DAB1: variants seen among roughly 807,000 people sequenced by gnomAD.
DAB1 encodes the protein DAB adaptor protein 1.
DAB1 carries 15 observed loss-of-function variants against 64.6 expected under a neutral mutation model. The ratio of observed to expected loss-of-function variants is 0.23; its 90% CI spans 0.16 to 0.36. The LOEUF (loss-of-function observed/expected upper bound fraction) is 0.36, where lower values mean the gene tolerates loss of function less well. DAB1 is among the 10% of genes least tolerant of loss of function. The probability of loss-of-function intolerance (pLI) is 1.00; values close to 1 mark genes in which losing one functional copy is unlikely to be tolerated. For synonymous variants in DAB1, 235 were observed against 251.9 expected, an observed-to-expected ratio of 0.93 and a Z score of 0.64; for missense variants, 596 against 706.7, an observed-to-expected ratio of 0.84 and a Z score of 1.78.
intron 4 of DAB1, among the ~76,000 whole-genome samples, chr1:58,326,871 C>T (rs2100490957): frequency 6.6e-6 from 1 of 152,306 alleles, no homozygotes; most frequent in South Asian, 2.1e-4. Context: ...TCTGCCAGAT[C>T]CCTGGCAAGT....
chr1:57,695,967 A>C (rs1012726246), intron 6 of DAB1, among the ~76,000 whole-genome samples: 1 of 152,164 alleles, frequency 6.6e-6, no homozygotes, highest in African/African-American at 2.4e-5. Flanking sequence ...AGTTCCAATA[A>C]TCCCAAATTA....
At chr1:57,130,228 CCTCGAG>C (rs1657531948) in intron 4 of DAB1, among the ~76,000 whole-genome samples, 1 of 152,038 alleles carries the variant, frequency 6.6e-6, no homozygotes, top group South Asian at 2.1e-4. Flanking sequence ...TTATTTAACA[CCTCGAG>C]CTTTTTATTT....
intron 2 of DAB1, among the ~76,000 whole-genome samples, chr1:57,197,117 C>G (rs1335827261): frequency 6.6e-6 from 1 of 152,102 alleles, no homozygotes; most frequent in Non-Finnish European, 1.5e-5. Context: ...GGGCAGATCA[C>G]TTGAGGTCAG....
At chr1:58,288,041 A>AAG (rs1557723009) in intron 4 of DAB1, among the ~76,000 whole-genome samples, 7 of 145,914 alleles carry the variant, frequency 4.8e-5, no homozygotes, top group South Asian at 2.2e-4. Context: ...AAAAAAAAAA[A>AAG]AAAAGAAAAA....
intron 4 of DAB1, among the ~76,000 whole-genome samples, chr1:58,278,037 T>G (rs2100436692): frequency 6.6e-6 from 1 of 152,330 alleles, no homozygotes; most frequent in South Asian, 2.1e-4. Context: ...TTTGCTGAAC[T>G]CCTATTCATA....
At chr1:58,208,080 A>T (rs973498137) in intron 4 of DAB1, among the ~76,000 whole-genome samples, 3 of 152,154 alleles carry the variant, frequency 2.0e-5, no homozygotes, top group Non-Finnish European at 4.4e-5. Context: ...AGATCTCATG[A>T]GAACTCACTA....
chr1:57,937,910 T>C (rs1645050473), intron 5 of DAB1, among the ~76,000 whole-genome samples: 1 of 152,200 alleles, frequency 6.6e-6, no homozygotes, highest in African/African-American at 2.4e-5. Context: ...GCTGCCGGCA[T>C]GCCTCTTGGC....
At chr1:57,967,434 C>A (rs1392454869) in intron 5 of DAB1, among the ~76,000 whole-genome samples, 1 of 152,148 alleles carries the variant, frequency 6.6e-6, no homozygotes, top group African/African-American at 2.4e-5. Flanking sequence ...CACAGGAGTA[C>A]CTTAACCTAG....
At chr1:57,472,181 T>C (rs900247785) in intron 7 of DAB1, among the ~76,000 whole-genome samples, 1 of 152,268 alleles carries the variant, frequency 6.6e-6, no homozygotes, top group Non-Finnish European at 1.5e-5. Flanking sequence ...TTCTTTTCCC[T>C]GCACATGTTC....
chr1:58,364,647 A>G (rs1324015293), intron 3 of DAB1, among the ~76,000 whole-genome samples: 1 of 152,190 alleles, frequency 6.6e-6, no homozygotes, highest in Non-Finnish European at 1.5e-5. Flanking sequence ...GTTAATCACC[A>G]ATATCCTTCC....
intron 1 of DAB1, among the ~76,000 whole-genome samples, chr1:57,405,004 G>A (rs992787008): frequency 6.6e-6 from 1 of 152,050 alleles, no homozygotes. Context: ...TCATGTTCTC[G>A]CTCTGGTTTG....
At chr1:57,482,452 A>G (rs1428931235) in intron 7 of DAB1, among the ~76,000 whole-genome samples, 1 of 136,112 alleles carries the variant, frequency 7.3e-6, no homozygotes, top group Admixed American at 8.0e-5. Context: ...AAAATAATTG[A>G]CCCCAGTTTT....
At chr1:58,142,429 T>G (rs1260728410) in intron 5 of DAB1, among the ~76,000 whole-genome samples, 1 of 152,230 alleles carries the variant, frequency 6.6e-6, no homozygotes, top group Non-Finnish European at 1.5e-5. Flanking sequence ...CTGAGGGGAC[T>G]GAGTGGTGGC....
chr1:58,127,737 T>C (rs1021104390), intron 5 of DAB1, among the ~76,000 whole-genome samples: 1 of 151,592 alleles, frequency 6.6e-6, no homozygotes, highest in East Asian at 1.9e-4. Flanking sequence ...CATTGCTTGT[T>C]TTTCTCAGGT....
At chr1:57,366,895 G>T (rs1020412253) in intron 1 of DAB1, among the ~76,000 whole-genome samples, 1 of 151,638 alleles carries the variant, frequency 6.6e-6, no homozygotes, top group East Asian at 1.9e-4. Context: ...TGAAGCCCAG[G>T]AATGTAAACT....
chr1:58,012,968 C>G (rs1023146074), intron 5 of DAB1, among the ~76,000 whole-genome samples: 1 of 152,146 alleles, frequency 6.6e-6, no homozygotes, highest in Non-Finnish European at 1.5e-5. Flanking sequence ...GTCAATATAA[C>G]TTATGAGCCT....
At chr1:58,105,658 C>T (rs151147820) in intron 5 of DAB1, among the ~76,000 whole-genome samples, 1 of 152,290 alleles carries the variant, frequency 6.6e-6, no homozygotes, top group Admixed American at 6.5e-5. Flanking sequence ...TAAAATGTTG[C>T]ACAAATTCAC....
chr1:57,685,554 T>A (rs868443847), intron 6 of DAB1, among the ~76,000 whole-genome samples: 1 of 152,136 alleles, frequency 6.6e-6, no homozygotes, highest in South Asian at 2.1e-4. Context: ...ACTAGACCAA[T>A]TGGACCTAAT....
chr1:57,823,284 A>G (rs1375344172), downstream of DAB1, among the ~76,000 whole-genome samples: 2 of 152,090 alleles, frequency 1.3e-5, no homozygotes, highest in Non-Finnish European at 2.9e-5. Context: ...CGCCCAGCTG[A>G]AAAAATTTTT....
Sources: allele counts gnomAD v4.1 joint callset (sites outside exome capture counted in the v4.1 genomes callset), GRCh38; gene constraint gnomAD v4.1.1; transcripts MANE v1.5; gene names NCBI Gene and HGNC (gene_info 2026-07-23, HGNC 2026-07-21).